Variants in CEMIP observed in about 807,000 individuals in gnomAD.
CEMIP encodes cell migration inducing hyaluronidase 1.
A neutral mutation model predicts 156.9 loss-of-function variants in CEMIP; 105 were observed. That is an observed-to-expected ratio of 0.67 (90% CI 0.57 to 0.79). The LOEUF is 0.79. Among genes scored for constraint, CEMIP ranks in the 30% least tolerant of loss-of-function variants. The probability of loss-of-function intolerance (pLI) is 0.00; values close to 1 mark genes in which losing one functional copy is unlikely to be tolerated. For missense variants in CEMIP, 1,457 were observed against 1,769.4 expected (o/e 0.82, Z 3.17); for synonymous variants, 676 against 668.4 (o/e 1.01, Z -0.17).
intron 1 of CEMIP, among the ~76,000 whole-genome samples, chr15:80,853,296 A>G (rs1453844826): frequency 6.6e-6 from 1 of 152,226 alleles, no homozygotes; most frequent in Non-Finnish European, 1.5e-5. Context: ...TGATAAGGAC[A>G]TAGGGAGTGT....
intron 1 of CEMIP, among the ~76,000 whole-genome samples, chr15:80,791,826 AG>A (rs1896089366): frequency 6.6e-6 from 1 of 152,208 alleles, no homozygotes; most frequent in South Asian, 2.1e-4. Flanking sequence ...GCAGAGGGAA[AG>A]TGGGATAAAG....
intron 1 of CEMIP, among the ~76,000 whole-genome samples, chr15:80,812,943 T>G (rs1203195104): frequency 6.6e-6 from 1 of 152,188 alleles, no homozygotes; most frequent in African/African-American, 2.4e-5. Context: ...AATGCAGAGT[T>G]GGACATAGCC....
Position 80,873,934 on chromosome 15 carries a change from T to TA in CEMIP, c.55_56insA (p.Trp19Ter), listed in dbSNP as rs1898381213. The TA allele has an allele frequency of 6.3e-7, 1 of 1,575,922 alleles. No homozygotes were observed. Among genetic ancestry groups the TA allele is most frequent in the African/African-American group, 1.3e-5 (1 of 74,682 alleles). The change falls in exon 3 of 30, where the codon TGG becomes TAGG. Residue 19 changes from tryptophan (W) to a stop codon, truncating the protein, a stop_gained and frameshift_variant. Coordinates refer to ENST00000394685, the MANE Select transcript of CEMIP (RefSeq NM_001293298.2). LOFTEE classifies it high-confidence loss of function. ...CTTCAAGGCCATGCTGACCATCAGC[T>TA]GGCTCACTCTGACCTGCTTCCCTGG... ...FLFKAMLTISWLTLTCFPGAT... is the reference protein window; with the variant it reads ...FLFKAMLTIS
At chr15:80,801,365 G>A (rs1280824866) in intron 1 of CEMIP, among the ~76,000 whole-genome samples, 1 of 152,210 alleles carries the variant, frequency 6.6e-6, no homozygotes, top group African/African-American at 2.4e-5. Flanking sequence ...GCATTGGCTA[G>A]CTCTCAATTC....
intron 10 of CEMIP, among the ~76,000 whole-genome samples, chr15:80,891,243 C>T (rs1282943172): frequency 6.6e-6 from 1 of 152,184 alleles, no homozygotes; most frequent in Non-Finnish European, 1.5e-5. Context: ...ATTGGAAGAC[C>T]ACCTCTCAGT....
intron 12 of CEMIP, among the ~76,000 whole-genome samples, chr15:80,901,567 T>C (rs1436449292): frequency 6.6e-6 from 1 of 151,996 alleles, no homozygotes; most frequent in Non-Finnish European, 1.5e-5. Flanking sequence ...CCGGGTGTGG[T>C]GGCAGGCACC....
intron 1 of CEMIP, among the ~76,000 whole-genome samples, chr15:80,808,248 A>G (rs1181074054): frequency 2.0e-5 from 3 of 152,186 alleles, no homozygotes; most frequent in Non-Finnish European, 1.5e-5. Context: ...ATAGACGCTG[A>G]CTGACAAGGA....
chr15:80,784,522 C>A (rs565255797), intron 1 of CEMIP, among the ~76,000 whole-genome samples: 2 of 152,272 alleles, frequency 1.3e-5, no homozygotes, highest in Admixed American at 1.3e-4. Context: ...AGGACAGGCA[C>A]ATTTTTCTGT....
chr15:80,782,066 T>C (rs973453439), intron 1 of CEMIP, among the ~76,000 whole-genome samples: 1 of 152,256 alleles, frequency 6.6e-6, no homozygotes, highest in Admixed American at 6.5e-5. Context: ...AGAACTTTTA[T>C]GTGATAAAAA....
intron 1 of CEMIP, among the ~76,000 whole-genome samples, chr15:80,850,490 G>A (rs1002348213): frequency 2.1e-4 from 32 of 152,170 alleles, no homozygotes; most frequent in African/African-American, 7.5e-4. Flanking sequence ...TGTTGGCCAG[G>A]CTGGTCTCAA....
At chr15:80,863,486 A>T (rs2141773920) in intron 1 of CEMIP, among the ~76,000 whole-genome samples, 1 of 152,362 alleles carries the variant, frequency 6.6e-6, no homozygotes, top group South Asian at 2.1e-4. Context: ...GGAACTCTAA[A>T]GACAGAATGA....
Position 80,949,408 on chromosome 15 carries a change from G to A in CEMIP, c.*484G>A, listed in dbSNP as rs542147935. ...AGGAAATCTTTACTCCTGTAAGCAA[G>A]AGCCAACCTCACAGGATTAGGAGCT... On this transcript the variant is annotated 3_prime_UTR_variant, in exon 30 of 30. Coordinates refer to ENST00000394685, the MANE Select transcript of CEMIP (RefSeq NM_001293298.2). 4.2e-4 allele frequency: 99 copies of A among 237,072 alleles called. No homozygotes were observed. The highest frequency in any genetic ancestry group is 1.2e-3 in the African/African-American group (56 of 45,026). 14.7% of individuals were successfully genotyped at this position (237,072 alleles called of 1,614,324 possible).
Position 80,848,499 on chromosome 15 carries a change from G to A in CEMIP, c.-175-25039G>A, listed in dbSNP as rs1053406620. Among the ~76,000 whole-genome samples, 10 of 152,164 alleles carry A rather than the reference G, an allele frequency of 6.6e-5. No individual in the cohort carries two copies. The East Asian group carries it at 1.9e-3, about 29-fold the overall frequency. ...AGCAGGCCAAGTCCCAAGCCTGTGG[G>A]GCCTTTTCTTCTTGAACTCATGCAG... On this transcript the variant is annotated intron_variant, in intron 1 of 29. Coordinates refer to ENST00000394685, the MANE Select transcript of CEMIP (RefSeq NM_001293298.2).
chr15:80,802,636 T>C (rs1219731780), intron 1 of CEMIP, among the ~76,000 whole-genome samples: 4 of 152,242 alleles, frequency 2.6e-5, no homozygotes, highest in African/African-American at 9.6e-5. Flanking sequence ...CTGCTGCTTT[T>C]CTCTGTATGT....
intron 1 of CEMIP, among the ~76,000 whole-genome samples, chr15:80,780,775 A>G (rs1318509159): frequency 6.6e-6 from 1 of 152,098 alleles, no homozygotes; most frequent in Non-Finnish European, 1.5e-5. Flanking sequence ...CCCAGGCGCG[A>G]CGCCACCATG....
intron 1 of CEMIP, among the ~76,000 whole-genome samples, chr15:80,798,822 A>G (rs1896297095): frequency 6.6e-6 from 1 of 152,142 alleles, no homozygotes; most frequent in Non-Finnish European, 1.5e-5. Context: ...TGTGTTGATC[A>G]TTTACATATT....
At position 80,879,809 on chromosome 15, in the gene CEMIP, C is replaced by A. The variant is rs1898586561; in HGVS notation, c.335C>A (p.Ala112Asp). The A allele has an allele frequency of 1.2e-6, 2 of 1,614,036 alleles. No homozygotes were observed. Among genetic ancestry groups the A allele is most frequent in the Non-Finnish European group, 8.5e-7 (1 of 1,180,032 alleles). The change falls in exon 5 of 30, where the codon GCC (alanine) becomes GAC (aspartate). Residue 112 changes from alanine to aspartate, a missense_variant. Transcript: ENST00000394685. ...DNGGELHAGS[A>D]LCPFQGNFTI... ...GGAGGAGAGCTGCATGCTGGGAGTG[C>A]CCTCTGCCCTTTCCAGGGCAATTTC...
intron 1 of CEMIP, among the ~76,000 whole-genome samples, chr15:80,813,955 G>A (rs1044414462): frequency 2.6e-5 from 4 of 151,470 alleles, no homozygotes; most frequent in Non-Finnish European, 5.9e-5. Context: ...TCTAATACCT[G>A]GCTCCATACC....
intron 1 of CEMIP, among the ~76,000 whole-genome samples, chr15:80,831,596 T>C (rs813): frequency 0.26 from 39,765 of 151,892 alleles, 5,257 homozygotes; most frequent in South Asian, 0.34. Flanking sequence ...AAGACCAGCC[T>C]CTCTGAACTG....
Sources: allele counts gnomAD v4.1 joint callset (sites outside exome capture counted in the v4.1 genomes callset), GRCh38; gene constraint gnomAD v4.1.1; transcripts MANE v1.5; gene names NCBI Gene and HGNC (gene_info 2026-07-23, HGNC 2026-07-21).